The following TENM3 variants were observed in gnomAD, a reference collection of about 807,000 sequenced individuals.
The protein encoded by TENM3 is teneurin-3.
A neutral mutation model predicts 255.1 loss-of-function variants in TENM3; 63 were observed. That is an observed-to-expected ratio of 0.25 (90% confidence interval 0.20 to 0.30). TENM3 has a LOEUF of 0.30. Ranked by LOEUF, TENM3 falls within the 10% of genes least tolerant of loss-of-function variation. The pLI, the probability that TENM3 is intolerant of heterozygous loss-of-function variation, is 1.00. For synonymous variants in TENM3, 1,306 were observed against 1,322.3 expected (o/e 0.99, Z 0.27); for missense variants, 2,929 against 3,461.1 (o/e 0.85, Z 3.86).
chr4:181,513,346 A>G, the TENM3 span, among the ~76,000 whole-genome samples: 1 of 152,184 alleles, frequency 6.6e-6, no homozygotes, highest in African/African-American at 2.4e-5. Context: ...TACTTTTCAG[A>G]ATTTCTGTAG....
chr4:181,541,093 G>A, the TENM3 span, among the ~76,000 whole-genome samples: 1 of 152,192 alleles, frequency 6.6e-6, no homozygotes, highest in Admixed American at 6.5e-5. Context: ...GAAAGTTCAG[G>A]CCGGGCACAG....
the TENM3 span, among the ~76,000 whole-genome samples, chr4:181,741,134 G>A: frequency 6.6e-6 from 1 of 152,156 alleles, no homozygotes; most frequent in African/African-American, 2.4e-5. Context: ...GTAATTTGGT[G>A]AAGCCCAGCG....
the TENM3 span, among the ~76,000 whole-genome samples, chr4:181,581,441 A>AAAAACAAAAC: frequency 2.6e-5 from 4 of 152,130 alleles, no homozygotes; most frequent in African/African-American, 4.8e-5. Context: ...ACTCCATCTC[A>AAAAACAAAAC]AAAACAAAAC....
In TENM3 at chr4:182,323,939, T is replaced by C. The variant is rs1362724165; in HGVS notation, c.-75-7T>C. ...GCTGACCTCATGCAAACCTTGTATCTTCACAGAGAGGCCAATGAGACTTGA... is the reference window on the plus strand; with the variant it reads ...GCTGACCTCATGCAAACCTTGTATCCTCACAGAGAGGCCAATGAGACTTGA... On this transcript the variant is annotated splice_polypyrimidine_tract_variant and splice_region_variant and intron_variant, in intron 1 of 27. Coordinates refer to ENST00000511685, the MANE Select transcript of TENM3 (RefSeq NM_001080477.4). 2 of 1,239,990 alleles carry C rather than the reference T, an allele frequency of 1.6e-6. No homozygotes were observed. The highest frequency in any genetic ancestry group is 4.7e-4 in the Middle Eastern group (2 of 4,274). 76.8% of individuals were successfully genotyped at this position (1,239,990 alleles called of 1,614,324 possible).
chr4:182,478,452 T>A (rs912701784), intron 3 of TENM3, among the ~76,000 whole-genome samples: 3 of 150,934 alleles, frequency 2.0e-5, no homozygotes, highest in Non-Finnish European at 4.4e-5. Context: ...TATGTAGAGT[T>A]TTTTTTTTAA....
the TENM3 span, among the ~76,000 whole-genome samples, chr4:181,937,176 C>G: frequency 6.6e-6 from 1 of 152,172 alleles, no homozygotes; most frequent in African/African-American, 2.4e-5. Context: ...AAACTTGGAC[C>G]ATCCAGAGAA....
At chr4:182,347,068 T>C in intron 3 of TENM3, 139 bp downstream of exon 3, 1 of 835,348 alleles carries the variant, frequency 1.2e-6, no homozygotes, top group South Asian at 2.0e-5. Flanking sequence ...TTTCTTTTTG[T>C]TTTAATGTAG....
chr4:181,621,209 T>C, the TENM3 span, among the ~76,000 whole-genome samples: 1 of 152,214 alleles, frequency 6.6e-6, no homozygotes, highest in East Asian at 1.9e-4. Flanking sequence ...TTCAACTTAA[T>C]GATTCTTTCA....
At chr4:182,752,118 A>G in intron 20 of TENM3, 86 bp downstream of exon 20, 2 of 858,800 alleles carry the variant, frequency 2.3e-6, no homozygotes, top group Admixed American at 3.1e-5. Flanking sequence ...GTGCCTAGTC[A>G]TGTTTAATGC....
At chr4:182,773,706 A>G (rs1280683297) in intron 23 of TENM3, 59 bp downstream of exon 23, 53 of 1,487,980 alleles carry the variant, frequency 3.6e-5, no homozygotes, top group Non-Finnish European at 4.8e-5. Flanking sequence ...GAATGCGGCA[A>G]CACCCACTTT....
At chr4:182,634,835 T>C (rs1236540840) in intron 5 of TENM3, among the ~76,000 whole-genome samples, 1 of 152,174 alleles carries the variant, frequency 6.6e-6, no homozygotes. Flanking sequence ...CTTGATACTG[T>C]TCTTTGCTCA....
intron 3 of TENM3, among the ~76,000 whole-genome samples, chr4:182,415,179 T>G (rs1195272393): frequency 1.3e-5 from 2 of 152,234 alleles, no homozygotes; most frequent in African/African-American, 4.8e-5. Context: ...TTTTCCTTGC[T>G]TCTTTAGCTG....
At position 182,349,932 on chromosome 4, in the gene TENM3, TA is replaced by T. The variant is rs1441343240; in HGVS notation, c.511+3005del. 3 of 260,770 alleles carry T rather than the reference TA, an allele frequency of 1.2e-5. No homozygotes were observed. The Admixed American group carries it at 1.6e-4, about 14-fold the overall frequency. The allele number at this position is 260,770 out of a possible 1,614,324, so 16.2% of individuals were successfully genotyped here. ...ATAACTCACCAAAAGGAAACGAATT[TA>T]AGAGCCAGATGCTGATGTGTTTTCA... is the stretch of plus-strand genomic sequence containing the variant. On this transcript the variant is annotated intron_variant, in intron 3 of 27. Transcript: ENST00000511685.
intron 1 of TENM3, among the ~76,000 whole-genome samples, chr4:182,224,777 C>T (rs376354002): frequency 6.7e-6 from 1 of 150,304 alleles, no homozygotes; most frequent in East Asian, 2.0e-4. Context: ...CGCTCTATCA[C>T]CCTGGCTGGA....
intron 3 of TENM3, among the ~76,000 whole-genome samples, chr4:182,412,728 G>T (rs1770080148): frequency 6.6e-6 from 1 of 151,798 alleles, no homozygotes; most frequent in East Asian, 1.9e-4. Context: ...AGCCGGGTGG[G>T]TTAGCACTCA....
At chr4:182,241,956 C>T (rs965511300), upstream of TENM3, among the ~76,000 whole-genome samples, 1 of 151,272 alleles carries the variant, frequency 6.6e-6, no homozygotes, top group Non-Finnish European at 1.5e-5. Flanking sequence ...TTGCTCTCAT[C>T]TGTTTTCTCC....
the TENM3 span, among the ~76,000 whole-genome samples, chr4:181,932,634 T>C: frequency 1.3e-5 from 2 of 152,184 alleles, no homozygotes; most frequent in Non-Finnish European, 2.9e-5. Flanking sequence ...GAACCAGAAA[T>C]ACCATTTGAC....
chr4:182,385,181 A>G (rs750317083), intron 3 of TENM3, among the ~76,000 whole-genome samples: 7 of 151,866 alleles, frequency 4.6e-5, no homozygotes, highest in Non-Finnish European at 8.8e-5. Context: ...AAATGACAAG[A>G]ATGTTGAGTT....
rs566881878 is a variant in TENM3 at position 182,557,577 on chromosome 4, A to G, written c.512-43347A>G. ...CATGTGCTAATGGTCTTTTTTATTG[A>G]TGAATTTGGCCCTTGCTCTGTTGAT... is the stretch of plus-strand genomic sequence containing the variant. On this transcript the variant is annotated intron_variant, in intron 3 of 27. Coordinates refer to ENST00000511685, the MANE Select transcript of TENM3 (RefSeq NM_001080477.4). 1.2e-3 allele frequency among the ~76,000 whole-genome samples: 183 copies of G among 152,274 alleles called. 1 individual carries two copies. The highest frequency in any genetic ancestry group is 4.2e-3 in the African/African-American group (174 of 41,564).
Sources: gnomAD v4.1 joint callset for allele counts (sites outside exome capture counted in the v4.1 genomes callset) on GRCh38, gnomAD v4.1.1 for gene constraint, MANE v1.5 for transcripts, NCBI Gene and HGNC (gene_info 2026-07-23, HGNC 2026-07-21) for gene names.